The following SLC22A14 variants were observed in gnomAD, a reference collection of about 807,000 sequenced individuals.
SLC22A14 encodes the protein organic cation transporter-like 4.
In SLC22A14, 50 loss-of-function variants were observed where a neutral mutation model predicts 53.9. The ratio of observed to expected loss-of-function variants is 0.93; its 90% CI spans 0.74 to 1.17. The LOEUF (loss-of-function observed/expected upper bound fraction) is 1.17, where lower values mean the gene tolerates loss of function less well. SLC22A14 is among the 50% of genes most tolerant of loss of function. The pLI, the probability that SLC22A14 is intolerant of heterozygous loss-of-function variation, is 0.00. For synonymous variants in SLC22A14, 312 were observed against 303.0 expected (o/e 1.03, Z -0.31); for missense variants, 671 against 734.7 (o/e 0.91, Z 1.00).
intron 10 of SLC22A14, among the ~76,000 whole-genome samples, chr3:38,316,814 C>T (rs1456776936): frequency 6.6e-6 from 1 of 152,340 alleles, no homozygotes; most frequent in Admixed American, 6.5e-5. Context: ...TGCCTTTGGG[C>T]ATACCCTCCA....
chr3:38,306,151 G>A lies in SLC22A14; in HGVS notation c.125G>A (p.Arg42Lys), dbSNP rs1439138287. The change falls in exon 2 of 11, where the codon AGG becomes AAG. Residue 42 changes from arginine to lysine, a missense_variant. Physicochemically the swap from Arg to Lys is conservative, Grantham distance 26 (BLOSUM62 2). Coordinates refer to ENST00000448498, the MANE Select transcript of SLC22A14 (RefSeq NM_001320033.2). ...WSLEMLLRRL[R>K]AVHTKQDDKF... ...CTGGAGATGCTGTTACGCAGATTGA[G>A]GGCTGTCCACACCAAGCAGGATGAC... 6.2e-7 allele frequency: 1 copy of A among 1,614,042 alleles called. No individual in the cohort carries two copies. The highest frequency in any genetic ancestry group is 8.5e-7 in the Non-Finnish European group (1 of 1,180,032).
In SLC22A14 at chr3:38,314,965, G is replaced by T. The variant is rs1704579391; in HGVS notation, c.1379-593G>T. On this transcript the variant is annotated intron_variant, in intron 8 of 10. Transcript: ENST00000448498. ...GGAATGGGAGTAAGGCCGGGGCAGG[G>T]TCCTGCAGAGGCTGACAGGCAGGCA... 2.0e-5 allele frequency among the ~76,000 whole-genome samples: 3 copies of T among 152,246 alleles called. No individual in the cohort carries two copies. The South Asian group carries it at 6.2e-4, about 31-fold the overall frequency.
At chr3:38,285,387 GATTTC>G (rs1196510264) in intron 1 of SLC22A14, among the ~76,000 whole-genome samples, 2 of 152,188 alleles carry the variant, frequency 1.3e-5, no homozygotes, top group African/African-American at 4.8e-5. Context: ...CATTTCTAAT[GATTTC>G]AGTCCACCTC....
At chr3:38,296,429 C>T (rs750355814) in intron 1 of SLC22A14, among the ~76,000 whole-genome samples, 8 of 152,314 alleles carry the variant, frequency 5.3e-5, no homozygotes, top group South Asian at 2.1e-4. Flanking sequence ...CATTTTTAAC[C>T]GGCTGACAGG....
chr3:38,302,014 C>T (rs1704171555), intron 1 of SLC22A14, among the ~76,000 whole-genome samples: 1 of 150,940 alleles, frequency 6.6e-6, no homozygotes. Flanking sequence ...AGGCGGATCA[C>T]CCAAGGTCAG....
chr3:38,283,422 C>T (rs1480070390), intron 1 of SLC22A14, among the ~76,000 whole-genome samples: 1 of 152,098 alleles, frequency 6.6e-6, no homozygotes, highest in Admixed American at 6.5e-5. Flanking sequence ...CTCTTATGCA[C>T]CTCCAAATTC....
At chr3:38,280,755 G>A (rs902411849), upstream of SLC22A14, among the ~76,000 whole-genome samples, 24 of 151,832 alleles carry the variant, frequency 1.6e-4, 1 homozygote, top group African/African-American at 5.8e-4. Context: ...TCAGCTTCCC[G>A]AGTAACTGGG....
At chr3:38,310,346 C>A (rs374709068) in intron 5 of SLC22A14, among the ~76,000 whole-genome samples, 21 of 152,256 alleles carry the variant, frequency 1.4e-4, no homozygotes, top group African/African-American at 4.6e-4. Context: ...TTACTGCACT[C>A]CAGCCTGGGC....
intron 5 of SLC22A14, among the ~76,000 whole-genome samples, chr3:38,312,556 C>A (rs1457774650): frequency 6.6e-6 from 1 of 152,164 alleles, no homozygotes; most frequent in African/African-American, 2.4e-5. Flanking sequence ...GGGTCCTGCC[C>A]CCTCACACTC....
Position 38,318,209 on chromosome 3 carries a change from AG to A in SLC22A14, c.1747del (p.Asp583ThrfsTer2). ...GATGGCTCTTTCAGGAATAAGGTCA[AG>A]GACATGAAGACTAAGGAAACATCAT... ...NHSSQIRNKV[K>X]DMKTKETSSD... is the part of the protein sequence containing the mutation. On this transcript the variant is annotated frameshift_variant, in exon 11 of 11. Coordinates refer to ENST00000448498, the MANE Select transcript of SLC22A14 (RefSeq NM_001320033.2). LOFTEE classifies it low-confidence loss of function (END_TRUNC). 6.2e-7 allele frequency: 1 copy of A among 1,614,088 alleles called. No individual in the cohort carries two copies. Among genetic ancestry groups the A allele is most frequent in the African/African-American group, 1.3e-5 (1 of 75,070 alleles).
chr3:38,280,717 C>T (rs946732659), upstream of SLC22A14, among the ~76,000 whole-genome samples: 8 of 151,832 alleles, frequency 5.3e-5, no homozygotes, highest in East Asian at 1.4e-3. Flanking sequence ...GCAACTTCTG[C>T]CTCCTGGGTT....
intron 5 of SLC22A14, among the ~76,000 whole-genome samples, chr3:38,311,756 T>C (rs780083060): frequency 2.0e-5 from 3 of 152,230 alleles, no homozygotes; most frequent in Non-Finnish European, 4.4e-5. Flanking sequence ...TAGTTCCTCA[T>C]TTGCATCTGA....
intron 7 of SLC22A14, 36 bp from the exon 8 acceptor site, chr3:38,313,691 C>CGCGCGCGT (rs770295334): frequency 6.5e-5 from 61 of 940,726 alleles, no homozygotes; most frequent in Middle Eastern, 2.4e-4. Flanking sequence ...TGTGTGCGCG[C>CGCGCGCGT]GTGTGCACGC....
upstream of SLC22A14, among the ~76,000 whole-genome samples, chr3:38,279,377 T>C (rs914967236): frequency 6.6e-6 from 1 of 152,204 alleles, no homozygotes; most frequent in Admixed American, 6.5e-5. Context: ...CTCTAAGATA[T>C]GGACACTTGC....
chr3:38,307,280 G>A lies in SLC22A14; in HGVS notation c.543G>A (p.Thr181=), dbSNP rs769904501. 8 of 1,614,062 alleles carry A rather than the reference G, an allele frequency of 5.0e-6. No homozygotes were observed. The highest frequency in any genetic ancestry group is 1.6e-4 in the Middle Eastern group (1 of 6,062). ...NEFDLVCGME[T]KKDTAQIMFM... is the part of the protein sequence containing the mutation. ...TTGACTTGGTATGTGGCATGGAGAC[G>A]AAGAAGGACACTGCACAGATCATGT... The change falls in exon 3 of 11, where the codon ACG becomes ACA. Residue 181 remains threonine (T), a synonymous_variant. Coordinates refer to ENST00000448498, the MANE Select transcript of SLC22A14 (RefSeq NM_001320033.2). The surrounding 1 kb of genome is among the most constrained non-coding windows in gnomAD (Gnocchi z 4.4).
rs763327845 is a variant in SLC22A14, at chr3:38,316,485, A to G, written c.1694A>G (p.Gln565Arg). Residue 565 changes from glutamine to arginine, a missense_variant, in exon 10 of 11, where the codon CAG (glutamine) becomes CGG (arginine). Coordinates refer to ENST00000448498, the MANE Select transcript of SLC22A14 (RefSeq NM_001320033.2). Reference protein sequence around the residue: ...LSSLLPETRDQPLSESLNHSS... With the variant: ...LSSLLPETRDRPLSESLNHSS... ...TCCCTGCTGCCGGAAACGCGAGATC[A>G]GCCCCTCTCCGAGAGCCTGAACCAC... The G allele has an allele frequency of 8.1e-6, 13 of 1,613,972 alleles. No homozygotes were observed. Among genetic ancestry groups the G allele is most frequent in the Admixed American group, 5.0e-5 (3 of 59,998 alleles).
chr3:38,281,015 G>T (rs2125866108), upstream of SLC22A14, among the ~76,000 whole-genome samples: 1 of 152,330 alleles, frequency 6.6e-6, no homozygotes, highest in Non-Finnish European at 1.5e-5. Flanking sequence ...TGGCTTCTGG[G>T]TGCTCACTGT....
At chr3:38,302,309 T>TG (rs1704183053) in intron 1 of SLC22A14, among the ~76,000 whole-genome samples, 1 of 145,424 alleles carries the variant, frequency 6.9e-6, no homozygotes. Flanking sequence ...CACATATATA[T>TG]TTATATATAT....
At chr3:38,316,942 A>G (rs374955874) in intron 10 of SLC22A14, among the ~76,000 whole-genome samples, 15 of 152,320 alleles carry the variant, frequency 9.8e-5, no homozygotes, top group African/African-American at 3.6e-4. Flanking sequence ...TTTTCATAAA[A>G]AACCCAGTCT....
Sources: gnomAD v4.1 joint callset for allele counts (sites outside exome capture counted in the v4.1 genomes callset) on GRCh38, gnomAD v4.1.1 for gene constraint, Gnocchi (gnomAD v3.1) non-coding constraint, MANE v1.5 for transcripts, NCBI Gene and HGNC (gene_info 2026-07-23, HGNC 2026-07-21) for gene names.